Variants in NSD1 observed in about 807,000 individuals in gnomAD.
The protein encoded by NSD1 is nuclear receptor binding SET domain protein 1, also known as histone-lysine N-methyltransferase, H3 lysine-36 specific.
Under a neutral mutation model 242.7 loss-of-function variants are expected in NSD1, and 26 were observed. The observed-to-expected ratio is 0.11, with a 90% CI of 0.08 to 0.15. The LOEUF (loss-of-function observed/expected upper bound fraction) is 0.15. Among genes scored for constraint, NSD1 ranks in the 10% least tolerant of loss-of-function variants. The probability of loss-of-function intolerance (pLI) is 1.00; values close to 1 mark genes in which losing one functional copy is unlikely to be tolerated. For synonymous variants in NSD1, 1,106 were observed against 1,178.1 expected, an observed-to-expected ratio of 0.94 and a Z score of 1.25; for missense variants, 2,495 against 3,272.8, an observed-to-expected ratio of 0.76 and a Z score of 5.80.
At chr5:177,158,998 TTATA>T (rs10564918) in intron 2 of NSD1, among the ~76,000 whole-genome samples, 4,383 of 122,492 alleles carry the variant, frequency 0.036, 118 homozygotes, top group South Asian at 0.074. Flanking sequence ...ATGAATGATT[TTATA>T]TATATATATA....
chr5:177,168,959 A>G (rs1759465127), intron 2 of NSD1, among the ~76,000 whole-genome samples: 1 of 152,188 alleles, frequency 6.6e-6, no homozygotes, highest in African/African-American at 2.4e-5. Context: ...TAATTTGTTC[A>G]ACTTTTGAAG....
chr5:177,144,070 A>G (rs111772326), intron 2 of NSD1, among the ~76,000 whole-genome samples: 101 of 152,310 alleles, frequency 6.6e-4, no homozygotes, highest in African/African-American at 2.3e-3. Context: ...GGTGTGAGCC[A>G]TCTCTCCTGG....
chr5:177,287,977 T>C (rs1009607147), intron 20 of NSD1, among the ~76,000 whole-genome samples: 1 of 152,262 alleles, frequency 6.6e-6, no homozygotes, highest in Non-Finnish European at 1.5e-5. Context: ...TCCTAAGAAT[T>C]GACAGTTTTT....
Position 177,283,901 on chromosome 5 carries a change from C to G in NSD1, c.6124C>G (p.Leu2042Val). 1.9e-6 allele frequency: 3 copies of G among 1,614,154 alleles called. No individual in the cohort carries two copies. The highest frequency in any genetic ancestry group is 2.5e-6 in the Non-Finnish European group (3 of 1,180,030). ...WSVNGDTRVGLFALSDIKAGT... is the reference protein window; with the variant it reads ...WSVNGDTRVGVFALSDIKAGT... Reference sequence around the variant, plus strand: ...TGTGAATGGAGATACCCGTGTAGGCCTTTTTGCACTAAGTGACATTAAAGC... The same window carrying G: ...TGTGAATGGAGATACCCGTGTAGGCGTTTTTGCACTAAGTGACATTAAAGC... Residue 2042 changes from leucine to valine, a missense_variant, in exon 20 of 23, where the codon CTT becomes GTT. By Grantham distance (32) the Leu-to-Val change is conservative. This residue lies in a region of NSD1 where 26 missense variants were observed against 119.1 expected (regional missense o/e 0.22). Coordinates refer to ENST00000439151, the MANE Select transcript of NSD1 (RefSeq NM_022455.5).
intron 2 of NSD1, among the ~76,000 whole-genome samples, chr5:177,165,151 A>G (rs1312051696): frequency 2.0e-5 from 3 of 152,164 alleles, no homozygotes; most frequent in African/African-American, 4.8e-5. Context: ...AATAAGTTAC[A>G]GTTCACCATT....
intron 2 of NSD1, chr5:177,169,303 C>CT (rs570684343): frequency 1.9e-4 from 30 of 154,308 alleles, no homozygotes; most frequent in Non-Finnish European, 3.0e-4. Flanking sequence ...TAAACGACGA[C>CT]TTTTTTTTTA....
chr5:177,284,662 C>G (rs1219978935), intron 20 of NSD1, among the ~76,000 whole-genome samples: 2 of 152,204 alleles, frequency 1.3e-5, no homozygotes, highest in Non-Finnish European at 2.9e-5. Flanking sequence ...TTCATATGAA[C>G]TTACCACTAA....
intron 3 of NSD1, among the ~76,000 whole-genome samples, chr5:177,203,553 C>T (rs563509888): frequency 1.3e-5 from 2 of 152,238 alleles, no homozygotes; most frequent in African/African-American, 4.8e-5. Flanking sequence ...ATACCAAAAC[C>T]ATACATTATT....
At chr5:177,289,510 G>A (rs958573267) in intron 21 of NSD1, among the ~76,000 whole-genome samples, 8 of 152,080 alleles carry the variant, frequency 5.3e-5, no homozygotes, top group South Asian at 2.1e-4. Flanking sequence ...TTATAAAGAA[G>A]GTTAGTTACC....
At chr5:177,218,503 T>A (rs1259590396) in intron 5 of NSD1, among the ~76,000 whole-genome samples, 1 of 152,194 alleles carries the variant, frequency 6.6e-6, no homozygotes, top group Non-Finnish European at 1.5e-5. Flanking sequence ...TCTGTTGATT[T>A]TTTTTTTCTA....
intron 5 of NSD1, among the ~76,000 whole-genome samples, chr5:177,220,657 C>CCTCCCGGG (rs1764165693): frequency 6.7e-6 from 1 of 149,958 alleles, no homozygotes; most frequent in Admixed American, 6.7e-5. Flanking sequence ...GCAAACTCCG[C>CCTCCCGGG]CTCCCGGGTT....
At chr5:177,157,436 G>A (rs1024338133) in intron 2 of NSD1, among the ~76,000 whole-genome samples, 1 of 151,734 alleles carries the variant, frequency 6.6e-6, no homozygotes, top group Non-Finnish European at 1.5e-5. Flanking sequence ...AGTGGCTCAT[G>A]CCTGTAATCC....
intron 9 of NSD1, among the ~76,000 whole-genome samples, chr5:177,246,346 C>T (rs759965521): frequency 6.6e-6 from 1 of 152,120 alleles, no homozygotes; most frequent in African/African-American, 2.4e-5. Flanking sequence ...CTTTTGATGA[C>T]TAGTAAAATG....
rs914629538 is a variant in NSD1, at chr5:177,266,536, G to T, written c.5147-1026G>T. 23 of 663,622 alleles carry T rather than the reference G, an allele frequency of 3.5e-5. No individual in the cohort carries two copies. The East Asian group carries it at 5.6e-4, about 16-fold the overall frequency. The allele number at this position is 663,622 out of a possible 1,614,324, so 41.1% of individuals were successfully genotyped here. A position where few individuals can be genotyped will look rare whatever the true frequency, so the allele number is the denominator to read the frequency against. On this transcript the variant is annotated intron_variant, in intron 14 of 22. Transcript: ENST00000439151. ...GACGTTCGGCTTCTCGCTGCTTTCC[G>T]CCTGGCCACAGGACACCTCCATGAT...
chr5:177,220,562 GC>G (rs1764151683), intron 5 of NSD1, among the ~76,000 whole-genome samples: 1 of 109,630 alleles, frequency 9.1e-6, no homozygotes, highest in African/African-American at 3.5e-5. Flanking sequence ...TATAGTAATT[GC>G]TTTTTTTTTT....
chr5:177,291,091 A>G (rs1759780124), intron 21 of NSD1, among the ~76,000 whole-genome samples: 1 of 152,196 alleles, frequency 6.6e-6, no homozygotes, highest in Admixed American at 6.5e-5. Flanking sequence ...GAAGAATGTG[A>G]TAAGATGATT....
chr5:177,211,647 A>G lies in NSD1; in HGVS notation c.3248A>G (p.Glu1083Gly), dbSNP rs767840807. Residue 1083 changes from glutamate to glycine, a missense_variant, in exon 5 of 23, where the codon GAA becomes GGA. By Grantham distance (98) the Glu-to-Gly change is moderately conservative. Around this residue, in one of 19 missense-constraint regions of NSD1, gnomAD observed 426 missense variants for 411.4 expected, o/e 1.04. Coordinates refer to ENST00000439151, the MANE Select transcript of NSD1 (RefSeq NM_022455.5). The part of the protein sequence containing the change: ...ERGGSLRGGA[E>G]DPSKEDPLQI... Reference sequence around the variant, plus strand: ...GGAGGTTCATTGAGAGGTGGGGCAGAAGATCCTAGTAAAGAGGATCCCCTT... The same window carrying G: ...GGAGGTTCATTGAGAGGTGGGGCAGGAGATCCTAGTAAAGAGGATCCCCTT... 1 of 1,614,176 alleles carries G rather than the reference A, an allele frequency of 6.2e-7. No homozygotes were observed. The highest frequency in any genetic ancestry group is 1.7e-5 in the Admixed American group (1 of 60,012).
At chr5:177,285,389 C>A (rs1759226397) in intron 20 of NSD1, among the ~76,000 whole-genome samples, 1 of 151,496 alleles carries the variant, frequency 6.6e-6, no homozygotes, top group South Asian at 2.1e-4. Context: ...TGGTGAAACC[C>A]CATCTCTACT....
intron 5 of NSD1, 134 bp downstream of exon 5, chr5:177,212,329 G>A: frequency 1.1e-6 from 1 of 879,146 alleles, no homozygotes; most frequent in Non-Finnish European, 1.8e-6. Context: ...CTTCAATGAA[G>A]AAGGAGTTTT....
Sources: gnomAD v4.1 joint callset for allele counts (sites outside exome capture counted in the v4.1 genomes callset) on GRCh38, gnomAD v4.1.1 for gene constraint, gnomAD v4.1.1 regional missense constraint, MANE v1.5 for transcripts, NCBI Gene and HGNC (gene_info 2026-07-23, HGNC 2026-07-21) for gene names.